Variants in TMEM132D observed in about 807,000 individuals in gnomAD.
The protein encoded by TMEM132D is mature OL transmembrane protein.
A neutral mutation model predicts 62.3 loss-of-function variants in TMEM132D; 21 were observed. The ratio of observed to expected loss-of-function variants is 0.34; its 90% CI spans 0.24 to 0.49. The LOEUF (loss-of-function observed/expected upper bound fraction) is 0.49. TMEM132D is among the 20% of genes least tolerant of loss of function. The probability of loss-of-function intolerance (pLI) is 0.99; values close to 1 mark genes in which losing one functional copy is unlikely to be tolerated. For missense variants in TMEM132D, 1,346 were observed against 1,402.8 expected (o/e 0.96, Z 0.65); for synonymous variants, 621 against 575.6 (o/e 1.08, Z -1.13).
chr12:129,449,853 T>C (rs771923190), intron 3 of TMEM132D, among the ~76,000 whole-genome samples: 4 of 152,204 alleles, frequency 2.6e-5, no homozygotes. Flanking sequence ...GGATGACATA[T>C]GGATATGTTG....
chr12:129,309,928 G>A (rs933153012), intron 4 of TMEM132D, among the ~76,000 whole-genome samples: 1 of 152,088 alleles, frequency 6.6e-6, no homozygotes, highest in African/African-American at 2.4e-5. Flanking sequence ...CAAGACACCC[G>A]ACTGAGCTGG....
At chr12:129,597,435 A>G (rs1878367632) in intron 2 of TMEM132D, among the ~76,000 whole-genome samples, 1 of 152,216 alleles carries the variant, frequency 6.6e-6, no homozygotes, top group Admixed American at 6.5e-5. Context: ...TACATCAAAC[A>G]GAGCTGTAGC....
intron 1 of TMEM132D, among the ~76,000 whole-genome samples, chr12:129,889,752 C>T (rs1342535351): frequency 6.6e-6 from 1 of 152,134 alleles, no homozygotes; most frequent in Admixed American, 6.5e-5. Flanking sequence ...GACAGTAGTC[C>T]AGAGGCCTTT....
chr12:129,847,452 C>T (rs1012032922), intron 1 of TMEM132D, among the ~76,000 whole-genome samples: 2 of 152,190 alleles, frequency 1.3e-5, no homozygotes, highest in Non-Finnish European at 2.9e-5. Context: ...GTCTTGGCTG[C>T]TGTGATAGCC....
chr12:129,799,678 C>T (rs1213664164), intron 1 of TMEM132D, among the ~76,000 whole-genome samples: 1 of 152,048 alleles, frequency 6.6e-6, no homozygotes, highest in African/African-American at 2.4e-5. Flanking sequence ...TCTGCCTGGT[C>T]CTCGTTAGTA....
rs550243839 is a variant in TMEM132D at position 129,388,699 on chromosome 12, G to A, written c.1116-50882C>T. ...CAATACTAACACCAACACCAATCCA[G>A]CACTGATAATATTAACACTAACACT... is the stretch of plus-strand genomic sequence containing the variant. On this transcript the variant is annotated intron_variant, in intron 3 of 8. Coordinates refer to ENST00000422113, the MANE Select transcript of TMEM132D (RefSeq NM_133448.3). Among the ~76,000 whole-genome samples, 1,092 of 110,738 alleles carry A rather than the reference G, an allele frequency of 9.9e-3. 194 individuals carry two copies. Among genetic ancestry groups the A allele is most frequent in the Non-Finnish European group, 0.014 (718 of 52,400 alleles). 72.6% of individuals were successfully genotyped at this position (110,738 alleles called of 152,430 possible). A position where few individuals can be genotyped will look rare whatever the true frequency, so the allele number is the denominator to read the frequency against.
intron 3 of TMEM132D, among the ~76,000 whole-genome samples, chr12:129,465,898 G>A (rs2137043182): frequency 6.6e-6 from 1 of 152,226 alleles, no homozygotes; most frequent in Non-Finnish European, 1.5e-5. Flanking sequence ...GGCCAGGCTG[G>A]TGTCGAATTC....
At chr12:129,380,258 TAGC>T (rs1324157570) in intron 3 of TMEM132D, among the ~76,000 whole-genome samples, 1 of 152,166 alleles carries the variant, frequency 6.6e-6, no homozygotes, top group Non-Finnish European at 1.5e-5. Context: ...AGAATTCACT[TAGC>T]AGGCAAACGT....
chr12:129,518,553 GT>G (rs1157447744), intron 3 of TMEM132D, among the ~76,000 whole-genome samples: 1 of 87,552 alleles, frequency 1.1e-5, no homozygotes, highest in Non-Finnish European at 3.2e-5. Flanking sequence ...GCGTGTGTGT[GT>G]GTGTATATAT....
chr12:129,280,541 T>A (rs1446607366), intron 4 of TMEM132D, among the ~76,000 whole-genome samples: 1 of 152,186 alleles, frequency 6.6e-6, no homozygotes, highest in African/African-American at 2.4e-5. Flanking sequence ...GTTCACTAAG[T>A]CAAAAGCACC....
At chr12:129,109,213 T>G (rs1298874708) in intron 5 of TMEM132D, among the ~76,000 whole-genome samples, 1 of 152,198 alleles carries the variant, frequency 6.6e-6, no homozygotes, top group Non-Finnish European at 1.5e-5. Flanking sequence ...GTGTGAGTTT[T>G]TCCTTCTAGA....
chr12:129,378,246 G>A (rs551290039), intron 3 of TMEM132D, among the ~76,000 whole-genome samples: 10 of 152,346 alleles, frequency 6.6e-5, no homozygotes, highest in African/African-American at 2.2e-4. Context: ...GAACATGCAC[G>A]TGGTCAGCTC....
rs1410501563 is a variant in TMEM132D, at chr12:129,337,671, C to T, written c.1262G>A (p.Ser421Asn). ...CACAACTCCAATCAAGTCCTTTGGG[C>T]TCACATAGATCTTGGACACTCCCAA... The part of the protein sequence containing the change: ...SDLGVSKIYV[S>N]PKDLIGVVPL... The change falls in exon 4 of 9, where the codon AGC (serine) becomes AAC (asparagine). Residue 421 changes from serine to asparagine, a missense_variant. By Grantham distance (46) the Ser-to-Asn change is conservative (BLOSUM62 1). Transcript: ENST00000422113. 6.2e-7 allele frequency: 1 copy of T among 1,614,150 alleles called. No homozygotes were observed. Among genetic ancestry groups the T allele is most frequent in the Non-Finnish European group, 8.5e-7 (1 of 1,180,024 alleles).
At chr12:129,579,918 G>A (rs968693635) in intron 2 of TMEM132D, among the ~76,000 whole-genome samples, 1 of 152,154 alleles carries the variant, frequency 6.6e-6, no homozygotes. Context: ...GGTAAAGTTG[G>A]GTATGAGTGG....
At position 129,153,316 on chromosome 12, in the gene TMEM132D, A is replaced by G. The variant is rs189709650; in HGVS notation, c.1443+56204T>C. Among the ~76,000 whole-genome samples the G allele has an allele frequency of 1.6e-3, 250 of 152,328 alleles. 1 individual carries two copies. Among genetic ancestry groups the G allele is most frequent in the Non-Finnish European group, 3.0e-3 (203 of 68,028 alleles). ...GTTCTTCGGGGAGTTGCTGCTCACC[A>G]AATGCAGAATTTAAATGTGGTGTTG... is the stretch of plus-strand genomic sequence containing the variant. On this transcript the variant is annotated intron_variant, in intron 5 of 8. Transcript: ENST00000422113.
At chr12:129,486,132 CG>C (rs1339251235) in intron 3 of TMEM132D, among the ~76,000 whole-genome samples, 1 of 152,186 alleles carries the variant, frequency 6.6e-6, no homozygotes, top group Non-Finnish European at 1.5e-5. Flanking sequence ...TGATCGGTGT[CG>C]GTATTACCTG....
At chr12:129,894,537 T>C (rs1458410321) in intron 1 of TMEM132D, among the ~76,000 whole-genome samples, 1 of 152,212 alleles carries the variant, frequency 6.6e-6, no homozygotes, top group Non-Finnish European at 1.5e-5. Context: ...TCTGGACTCC[T>C]AAGTCTCTTA....
intron 5 of TMEM132D, among the ~76,000 whole-genome samples, chr12:129,139,527 C>A (rs1876676924): frequency 6.6e-6 from 1 of 152,240 alleles, no homozygotes; most frequent in East Asian, 1.9e-4. Flanking sequence ...TTTACCCAAC[C>A]AATTCCACTG....
Position 129,244,628 on chromosome 12 carries a change from TTTTTGTTTTG to T in TMEM132D, c.1300-34975_1300-34966del, listed in dbSNP as rs528876499. On this transcript the variant is annotated intron_variant, in intron 4 of 8. Transcript: ENST00000422113. ...TTATGTTTGTTTGTTTTTTGTTTTA[TTTTTGTTTTG>T]TTTTGTTTTGTTTTGTTTTTGAGAC... is the stretch of plus-strand genomic sequence containing the variant. Among the ~76,000 whole-genome samples the T allele has an allele frequency of 3.0e-4, 46 of 152,044 alleles. No individual in the cohort carries two copies. In the South Asian group the frequency reaches 8.5e-3, roughly 28 times the overall value.
Sources: allele counts gnomAD v4.1 joint callset (sites outside exome capture counted in the v4.1 genomes callset), GRCh38; gene constraint gnomAD v4.1.1; transcripts MANE v1.5; gene names NCBI Gene and HGNC (gene_info 2026-07-23, HGNC 2026-07-21).